Variants in PPARGC1A observed in about 807,000 individuals in gnomAD.
The protein encoded by PPARGC1A is PPARG coactivator 1 alpha, also known as peroxisome proliferator-activated receptor gamma coactivator 1-alpha.
Under a neutral mutation model 88.7 loss-of-function variants are expected in PPARGC1A, and 25 were observed. That is an observed-to-expected ratio of 0.28 (90% confidence interval 0.21 to 0.39). The LOEUF is 0.39. PPARGC1A is among the 10% of genes least tolerant of loss of function. The probability of loss-of-function intolerance (pLI) is 1.00; values close to 1 mark genes in which losing one functional copy is unlikely to be tolerated. For synonymous variants in PPARGC1A, 363 were observed against 355.6 expected (o/e 1.02, Z -0.24); for missense variants, 880 against 968.7 (o/e 0.91, Z 1.22).
the PPARGC1A span, among the ~76,000 whole-genome samples, chr4:24,225,126 G>A: frequency 1.3e-5 from 2 of 152,194 alleles, no homozygotes; most frequent in South Asian, 2.1e-4. Context: ...GAGCTGAAGA[G>A]GGGAATGATG....
At chr4:24,471,878 C>G in the PPARGC1A span, among the ~76,000 whole-genome samples, 1 of 152,218 alleles carries the variant, frequency 6.6e-6, no homozygotes, top group Non-Finnish European at 1.5e-5. This position sits in a 1 kb window ranked among gnomAD's most constrained non-coding sequence, Gnocchi z 5.4. Flanking sequence ...GAGATTGCAG[C>G]CATTTTAGGG....
the PPARGC1A span, among the ~76,000 whole-genome samples, chr4:23,998,518 T>C: frequency 6.6e-6 from 1 of 152,138 alleles, no homozygotes; most frequent in African/African-American, 2.4e-5. Flanking sequence ...AAGTAAGAGC[T>C]ATGCAAAATG....
chr4:24,309,161 G>A, the PPARGC1A span, among the ~76,000 whole-genome samples: 1 of 151,992 alleles, frequency 6.6e-6, no homozygotes, highest in African/African-American at 2.4e-5. Context: ...GATGTCAAAG[G>A]AGTAAATAAG....
At chr4:24,267,746 A>G in the PPARGC1A span, among the ~76,000 whole-genome samples, 1 of 152,226 alleles carries the variant, frequency 6.6e-6, no homozygotes, top group Non-Finnish European at 1.5e-5. Context: ...ACAGGGCATC[A>G]TAAGTTCAAG....
At chr4:24,200,718 C>A in the PPARGC1A span, among the ~76,000 whole-genome samples, 1 of 132,614 alleles carries the variant, frequency 7.5e-6, no homozygotes, top group African/African-American at 2.7e-5. Context: ...AATATGGATA[C>A]GGGACACATG....
chr4:24,354,073 G>A, the PPARGC1A span, among the ~76,000 whole-genome samples: 4 of 152,118 alleles, frequency 2.6e-5, no homozygotes, highest in African/African-American at 9.7e-5. Flanking sequence ...AGGCTCTAAT[G>A]GAGAGTAGTC....
chr4:24,394,107 CT>C, the PPARGC1A span, among the ~76,000 whole-genome samples: 1 of 152,220 alleles, frequency 6.6e-6, no homozygotes, highest in Non-Finnish European at 1.5e-5. Context: ...CCTGCTTTCT[CT>C]TTGCTACAAA....
At chr4:24,472,206 AG>A in the PPARGC1A span, among the ~76,000 whole-genome samples, 8 of 151,964 alleles carry the variant, frequency 5.3e-5, no homozygotes, top group Non-Finnish European at 8.8e-5. The surrounding 1 kb of genome is among the most constrained non-coding windows in gnomAD (Gnocchi z 4.5). Flanking sequence ...CGATGGGGGA[AG>A]GGGGGGTATC....
chr4:24,396,621 T>C, the PPARGC1A span, among the ~76,000 whole-genome samples: 9 of 151,848 alleles, frequency 5.9e-5, no homozygotes, highest in African/African-American at 2.2e-4. Context: ...TTAGGATGTC[T>C]CCCATTTTTT....
At chr4:24,133,146 A>G in the PPARGC1A span, among the ~76,000 whole-genome samples, 2 of 152,066 alleles carry the variant, frequency 1.3e-5, no homozygotes, top group African/African-American at 4.8e-5. Context: ...TTGAGGCCCT[A>G]GCACCCTTTA....
chr4:24,360,121 T>G, the PPARGC1A span, among the ~76,000 whole-genome samples: 3 of 152,116 alleles, frequency 2.0e-5, no homozygotes, highest in Non-Finnish European at 4.4e-5. Flanking sequence ...TTCTCACCAC[T>G]TCTATAGCTG....
the PPARGC1A span, among the ~76,000 whole-genome samples, chr4:24,341,677 A>G: frequency 2.6e-5 from 4 of 152,328 alleles, no homozygotes; most frequent in South Asian, 4.1e-4. Context: ...GTTACTGTGA[A>G]GAAGACATAC....
the PPARGC1A span, among the ~76,000 whole-genome samples, chr4:24,065,080 C>T: frequency 1.3e-5 from 2 of 152,174 alleles, no homozygotes; most frequent in East Asian, 3.9e-4. Flanking sequence ...ATGGAGAAGA[C>T]ACCATAGGGT....
the PPARGC1A span, among the ~76,000 whole-genome samples, chr4:24,327,766 C>T: frequency 6.6e-6 from 1 of 152,062 alleles, no homozygotes; most frequent in African/African-American, 2.4e-5. Context: ...TTTTTGCCGC[C>T]CCAACACTTC....
the PPARGC1A span, among the ~76,000 whole-genome samples, chr4:24,192,453 C>G: frequency 1.3e-5 from 2 of 152,318 alleles, no homozygotes; most frequent in Admixed American, 6.5e-5. Flanking sequence ...ACGGAAGACC[C>G]TGCCAACTGA....
At chr4:24,170,706 T>C in the PPARGC1A span, among the ~76,000 whole-genome samples, 1 of 152,168 alleles carries the variant, frequency 6.6e-6, no homozygotes, top group Non-Finnish European at 1.5e-5. Flanking sequence ...TTCTATCTCA[T>C]AGAATCATGG....
the PPARGC1A span, among the ~76,000 whole-genome samples, chr4:24,160,626 T>C: frequency 6.6e-6 from 1 of 152,168 alleles, no homozygotes; most frequent in Non-Finnish European, 1.5e-5. Flanking sequence ...ACTCAGCTGT[T>C]TCACACACCT....
chr4:23,901,212 T>C (rs887711610), upstream of PPARGC1A, among the ~76,000 whole-genome samples: 1 of 151,444 alleles, frequency 6.6e-6, no homozygotes, highest in Non-Finnish European at 1.5e-5. Context: ...CTAAAAGAAA[T>C]ATAAAAAATT....
At chr4:23,802,863 G>T (rs1373373024) in intron 10 of PPARGC1A, among the ~76,000 whole-genome samples, 2 of 151,990 alleles carry the variant, frequency 1.3e-5, no homozygotes, top group Non-Finnish European at 2.9e-5. Flanking sequence ...TGCTCACATA[G>T]ATTCTTCTCT....
Sources: gnomAD v4.1 joint callset for allele counts (sites outside exome capture counted in the v4.1 genomes callset) on GRCh38, gnomAD v4.1.1 for gene constraint, Gnocchi (gnomAD v3.1) non-coding constraint, MANE v1.5 for transcripts, NCBI Gene and HGNC (gene_info 2026-07-23, HGNC 2026-07-21) for gene names.